The following SGCG variants were observed in gnomAD, a reference collection of about 807,000 sequenced individuals.
SGCG encodes the protein sarcoglycan gamma.
In SGCG, 26 loss-of-function variants were observed where a neutral mutation model predicts 29.3. The observed-to-expected ratio is 0.89, with a 90% confidence interval of 0.65 to 1.23. SGCG has a LOEUF of 1.23. Ranked by LOEUF, SGCG falls within the 50% of genes most tolerant of loss-of-function variation. The pLI, the probability that SGCG is intolerant of heterozygous loss-of-function variation, is 0.00. For missense variants in SGCG, 353 were observed against 356.0 expected (o/e 0.99, Z 0.07); for synonymous variants, 145 against 129.7 (o/e 1.12, Z -0.80).
intron 1 of SGCG, among the ~76,000 whole-genome samples, chr13:23,201,835 G>C (rs1045876503): frequency 3.3e-5 from 5 of 152,168 alleles, no homozygotes; most frequent in African/African-American, 1.2e-4. Context: ...TTTTGGTTCA[G>C]ACTCCCTGGC....
In SGCG at chr13:23,217,168, A is replaced by C. The variant is rs570276378; in HGVS notation, c.195+13279A>C. Among the ~76,000 whole-genome samples the C allele has an allele frequency of 1.6e-4, 25 of 152,210 alleles. 1 individual carries two copies. The highest frequency in any genetic ancestry group is 3.4e-3 in the Middle Eastern group (1 of 294). ...GGTTCTAATTTGATTTTTATCCTCAAATAGTTTCCTGAACACAGTTTATTG... is the reference window on the plus strand; with the variant it reads ...GGTTCTAATTTGATTTTTATCCTCACATAGTTTCCTGAACACAGTTTATTG... On this transcript the variant is annotated intron_variant, in intron 2 of 7. Transcript: ENST00000218867.
chr13:23,298,241 A>T, intron 6 of SGCG, among the ~76,000 whole-genome samples: 1 of 151,998 alleles, frequency 6.6e-6, no homozygotes, highest in African/African-American at 2.4e-5. Context: ...CTGTAATCCC[A>T]GCTACTCAGA....
At chr13:23,297,934 G>A (rs1250246738) in intron 6 of SGCG, among the ~76,000 whole-genome samples, 5 of 151,862 alleles carry the variant, frequency 3.3e-5, no homozygotes, top group Admixed American at 2.6e-4. Context: ...TAGTAGAGAC[G>A]GGGTTTCATC....
At chr13:23,312,314 GC>G (rs1882632970) in intron 6 of SGCG, among the ~76,000 whole-genome samples, 1 of 152,158 alleles carries the variant, frequency 6.6e-6, no homozygotes, top group African/African-American at 2.4e-5. Context: ...GCTTCAAAAA[GC>G]CTTTCACATT....
intron 6 of SGCG, among the ~76,000 whole-genome samples, chr13:23,311,778 A>T (rs1882607267): frequency 6.6e-6 from 1 of 152,206 alleles, no homozygotes; most frequent in Non-Finnish European, 1.5e-5. Flanking sequence ...ATTTTCAGTT[A>T]TCTTTCTATC....
chr13:23,191,100 T>C (rs976610139), intron 1 of SGCG, among the ~76,000 whole-genome samples: 9 of 152,194 alleles, frequency 5.9e-5, no homozygotes, highest in Non-Finnish European at 1.3e-4. Context: ...AAAAGTTACA[T>C]ATTAAATCAA....
intron 6 of SGCG, among the ~76,000 whole-genome samples, chr13:23,301,676 C>T (rs1030487032): frequency 3.3e-5 from 5 of 152,114 alleles, no homozygotes; most frequent in South Asian, 2.1e-4. Flanking sequence ...TACCTGAGGT[C>T]GGGAGTTTGA....
At chr13:23,305,231 A>G (rs1397109510) in intron 6 of SGCG, among the ~76,000 whole-genome samples, 3 of 152,170 alleles carry the variant, frequency 2.0e-5, no homozygotes, top group African/African-American at 7.2e-5. Context: ...AGCTACTTCT[A>G]TACCTCTCAG....
chr13:23,252,227 A>G (rs1879994637), intron 4 of SGCG, among the ~76,000 whole-genome samples: 2 of 152,184 alleles, frequency 1.3e-5, no homozygotes, highest in African/African-American at 4.8e-5. Flanking sequence ...TCAACTGCCT[A>G]TAGCTTTCAA....
intron 5 of SGCG, among the ~76,000 whole-genome samples, chr13:23,287,813 G>A (rs1299430805): frequency 6.6e-6 from 1 of 152,048 alleles, no homozygotes; most frequent in Non-Finnish European, 1.5e-5. Context: ...TGGGTGTAGT[G>A]GCACGATCTC....
At position 23,310,121 on chromosome 13, in the gene SGCG, C is replaced by CT. The variant is rs1448403817; in HGVS notation, c.579-10515dup. Among the ~76,000 whole-genome samples the CT allele has an allele frequency of 1.6e-4, 18 of 113,504 alleles. No individual in the cohort carries two copies. In the Admixed American group the frequency reaches 1.8e-3, roughly 11 times the overall value. 74.5% of individuals were successfully genotyped at this position (113,504 alleles called of 152,430 possible). On this transcript the variant is annotated intron_variant, in intron 6 of 7. Transcript: ENST00000218867. ...TTTTTTTTTTAGACGGAGTCTTGCT[C>CT]TGTTGCCCAGGCTGGAGTGCAGTGA...
At chr13:23,189,198 G>C (rs1877137860) in intron 1 of SGCG, among the ~76,000 whole-genome samples, 1 of 152,122 alleles carries the variant, frequency 6.6e-6, no homozygotes, top group Admixed American at 6.5e-5. Context: ...ACCGTTTGGT[G>C]GTTCCAAACC....
chr13:23,223,350 T>C (rs1214772550), intron 2 of SGCG, among the ~76,000 whole-genome samples: 1 of 151,258 alleles, frequency 6.6e-6, no homozygotes, highest in African/African-American at 2.4e-5. Flanking sequence ...CACCTATAGA[T>C]GAAATAATTT....
chr13:23,234,327 TTAA>T (rs1879223115), intron 2 of SGCG, among the ~76,000 whole-genome samples: 13 of 152,102 alleles, frequency 8.5e-5, no homozygotes, highest in African/African-American at 1.9e-4. Context: ...TTAATTTTTT[TTAA>T]AAAAATGGAT....
intron 4 of SGCG, among the ~76,000 whole-genome samples, chr13:23,260,835 C>T (rs560539102): frequency 1.3e-5 from 2 of 151,996 alleles, no homozygotes; most frequent in Non-Finnish European, 2.9e-5. Context: ...GTTGAAAATT[C>T]TTTTCTTTAA....
intron 6 of SGCG, among the ~76,000 whole-genome samples, chr13:23,302,245 TC>T (rs981309525): frequency 6.6e-6 from 1 of 151,374 alleles, no homozygotes; most frequent in African/African-American, 2.4e-5. Context: ...CTATCCTATT[TC>T]TCCACAAGAA....
intron 5 of SGCG, among the ~76,000 whole-genome samples, chr13:23,283,716 T>A (rs1332493767): frequency 6.6e-6 from 1 of 152,232 alleles, no homozygotes; most frequent in Non-Finnish European, 1.5e-5. Context: ...GTGTCAATGG[T>A]CTTTACAATT....
At chr13:23,161,223 C>A in the SGCG span, among the ~76,000 whole-genome samples, 1 of 152,326 alleles carries the variant, frequency 6.6e-6, no homozygotes, top group East Asian at 1.9e-4. Flanking sequence ...TCATTACCTC[C>A]ATTAAGTACC....
chr13:23,295,443 A>G lies in SGCG; in HGVS notation c.534A>G (p.Ser178=), dbSNP rs1363876963. The G allele has an allele frequency of 2.5e-6, 4 of 1,614,066 alleles. No homozygotes were observed. The highest frequency in any genetic ancestry group is 8.5e-7 in the Non-Finnish European group (1 of 1,179,934). ...TGPEGALFEH[S]VETPLVRADP... is the part of the protein sequence containing the mutation. Reference sequence around the variant, plus strand: ...CTGAAGGGGCTCTTTTTGAACATTCAGTGGAGACACCCCTTGTCAGAGCCG... The same window carrying G: ...CTGAAGGGGCTCTTTTTGAACATTCGGTGGAGACACCCCTTGTCAGAGCCG... Residue 178 remains serine (S), a synonymous_variant, in exon 6 of 8, where the codon TCA becomes TCG. Transcript: ENST00000218867.
Sources: gnomAD v4.1 joint callset for allele counts (sites outside exome capture counted in the v4.1 genomes callset) on GRCh38, gnomAD v4.1.1 for gene constraint, MANE v1.5 for transcripts, NCBI Gene and HGNC (gene_info 2026-07-23, HGNC 2026-07-21) for gene names.